SLC24A4: variants seen among roughly 807,000 people sequenced by gnomAD.
The protein encoded by SLC24A4 is sodium/potassium/calcium exchanger 4.
In SLC24A4, 53 loss-of-function variants were observed where a neutral mutation model predicts 79.0. The observed-to-expected ratio is 0.67, with a 90% CI of 0.54 to 0.84. SLC24A4 has a LOEUF of 0.84. SLC24A4 is among the 40% of genes least tolerant of loss of function. SLC24A4 has a pLI of 0.00. For synonymous variants in SLC24A4, 323 were observed against 323.8 expected (o/e 1.00, Z 0.03); for missense variants, 731 against 822.0 (o/e 0.89, Z 1.35).
chr14:92,488,617 C>T (rs1422776957), intron 14 of SLC24A4, among the ~76,000 whole-genome samples: 3 of 103,594 alleles, frequency 2.9e-5, no homozygotes, highest in African/African-American at 1.2e-4. Context: ...TCCTCAGAGA[C>T]CCTATTTCCA....
chr14:92,455,838 T>G (rs932929929), intron 11 of SLC24A4, among the ~76,000 whole-genome samples: 11 of 152,050 alleles, frequency 7.2e-5, no homozygotes, highest in African/African-American at 2.7e-4. Context: ...GTAGCTGGGA[T>G]TACGGGGGCC....
At chr14:92,350,790 G>T (rs1740689566) in intron 2 of SLC24A4, among the ~76,000 whole-genome samples, 1 of 152,166 alleles carries the variant, frequency 6.6e-6, no homozygotes, top group Non-Finnish European at 1.5e-5. Flanking sequence ...ACCTGCAATG[G>T]ACTGAATGCT....
At position 92,353,678 on chromosome 14, in the gene SLC24A4, G is replaced by A. The variant is rs1887009433; in HGVS notation, c.241+27700G>A. ...TTAGAGTCATTTGTGTTCCCTTTCT[G>A]CTTGCTCTTCGTGTCCTTTTCTGTG... is the stretch of plus-strand genomic sequence containing the variant. On this transcript the variant is annotated intron_variant, in intron 2 of 16. Coordinates refer to ENST00000532405, the MANE Select transcript of SLC24A4 (RefSeq NM_153646.4). This position sits in a 1 kb window ranked among gnomAD's most constrained non-coding sequence, Gnocchi z 4.1. Among the ~76,000 whole-genome samples the A allele has an allele frequency of 6.6e-6, 1 of 152,144 alleles. No individual in the cohort carries two copies. Among genetic ancestry groups the A allele is most frequent in the Admixed American group, 6.5e-5 (1 of 15,276 alleles).
chr14:92,484,972 A>G, intron 13 of SLC24A4: 1 of 781,946 alleles, frequency 1.3e-6, no homozygotes, highest in South Asian at 5.8e-5. Context: ...CCCAATTTCA[A>G]CCTAATCTTA....
chr14:92,368,393 A>T (rs1213672762), intron 2 of SLC24A4, among the ~76,000 whole-genome samples: 1 of 152,146 alleles, frequency 6.6e-6, no homozygotes, highest in African/African-American at 2.4e-5. Context: ...GGAGATTTGG[A>T]TAATTTTTTT....
chr14:92,335,722 C>G (rs755224323), intron 2 of SLC24A4, among the ~76,000 whole-genome samples: 2 of 152,154 alleles, frequency 1.3e-5, no homozygotes, highest in Non-Finnish European at 2.9e-5. Flanking sequence ...TGGTATCGTA[C>G]AGAATAGTTT....
intron 10 of SLC24A4, among the ~76,000 whole-genome samples, chr14:92,449,812 C>T (rs756390240): frequency 9.9e-5 from 15 of 152,234 alleles, no homozygotes; most frequent in Non-Finnish European, 7.3e-5. Context: ...GCAGCAGCCT[C>T]GTCTCCCCAG....
chr14:92,336,161 G>A (rs1295924665), intron 2 of SLC24A4, among the ~76,000 whole-genome samples: 1 of 152,148 alleles, frequency 6.6e-6, no homozygotes, highest in Non-Finnish European at 1.5e-5. Context: ...CCTGAGGAAC[G>A]TTCCTTCCTG....
Position 92,331,649 on chromosome 14 carries a change from G to A in SLC24A4, c.241+5671G>A, listed in dbSNP as rs1461676454. On this transcript the variant is annotated intron_variant, in intron 2 of 16. Transcript: ENST00000532405. Reference sequence around the variant, plus strand: ...CCTAACTAGACTATAAAAGGTGAAAGCCTTGTTTGCATTTTAAAACCATAA... The same window carrying A: ...CCTAACTAGACTATAAAAGGTGAAAACCTTGTTTGCATTTTAAAACCATAA... Among the ~76,000 whole-genome samples, 3 of 152,158 alleles carry A rather than the reference G, an allele frequency of 2.0e-5. No individual in the cohort carries two copies. In the East Asian group the frequency reaches 5.8e-4, roughly 29 times the overall value.
rs890928782 is a variant in SLC24A4 at position 92,353,537 on chromosome 14, G to A, written c.241+27559G>A. Among the ~76,000 whole-genome samples the A allele has an allele frequency of 2.0e-5, 3 of 152,200 alleles. No individual in the cohort carries two copies. Among genetic ancestry groups the A allele is most frequent in the Admixed American group, 2.0e-4 (3 of 15,286 alleles). On this transcript the variant is annotated intron_variant, in intron 2 of 16. Transcript: ENST00000532405. The surrounding 1 kb of genome is among the most constrained non-coding windows in gnomAD (Gnocchi z 4.1). ...TTTGTCCCACCAGACATGGATGAGA[G>A]GGCCGGTTCTCCCCACCCCATGGTG...
chr14:92,327,964 A>C (rs930935149), intron 2 of SLC24A4, among the ~76,000 whole-genome samples: 9 of 152,360 alleles, frequency 5.9e-5, no homozygotes, highest in African/African-American at 1.7e-4. Flanking sequence ...CGAATGATGG[A>C]ATGAAAGTGC....
At chr14:92,355,420 C>T (rs1477001384) in intron 2 of SLC24A4, among the ~76,000 whole-genome samples, 2 of 152,214 alleles carry the variant, frequency 1.3e-5, no homozygotes, top group Non-Finnish European at 2.9e-5. Flanking sequence ...TGAGGTCTCA[C>T]TCTCAGGTAG....
At chr14:92,344,308 G>A (rs976010164) in intron 2 of SLC24A4, among the ~76,000 whole-genome samples, 14 of 152,198 alleles carry the variant, frequency 9.2e-5, no homozygotes, top group South Asian at 2.1e-4. Context: ...AAGAGAAGCC[G>A]TCCCTTCATT....
chr14:92,344,005 G>C (rs1886383742), intron 2 of SLC24A4, among the ~76,000 whole-genome samples: 1 of 152,116 alleles, frequency 6.6e-6, no homozygotes, highest in Non-Finnish European at 1.5e-5. Context: ...GCCCAACCAA[G>C]GCAGGACTTT....
chr14:92,463,840 G>A (rs947872953), intron 12 of SLC24A4, among the ~76,000 whole-genome samples: 1 of 151,422 alleles, frequency 6.6e-6, no homozygotes, highest in Non-Finnish European at 1.5e-5. Flanking sequence ...ACCACTAACC[G>A]ACTTCTTATG....
chr14:92,370,180 A>G (rs1888073489), intron 2 of SLC24A4, among the ~76,000 whole-genome samples: 1 of 152,242 alleles, frequency 6.6e-6, no homozygotes, highest in Non-Finnish European at 1.5e-5. Flanking sequence ...AAGAGAGCCC[A>G]TAGAATTTAA....
intron 2 of SLC24A4, among the ~76,000 whole-genome samples, chr14:92,328,134 C>T (rs780834598): frequency 6.6e-6 from 1 of 152,196 alleles, no homozygotes; most frequent in Non-Finnish European, 1.5e-5. Context: ...TACTGCACAG[C>T]CCCCGGCTCT....
Position 92,449,359 on chromosome 14 carries a change from CTT to C in SLC24A4, c.880+144_880+145del, listed in dbSNP as rs1893012367. ...TGTCCCCCCTCTAAATTGTCACTCT[CTT>C]ACCTTTGACCACAGGTGCCCTAAGA... On this transcript the variant is annotated intron_variant, in intron 10 of 16. Transcript: ENST00000532405. 86 of 1,218,184 alleles carry C rather than the reference CTT, an allele frequency of 7.1e-5. 2 individuals are homozygous for C. The South Asian group carries it at 1.3e-3, about 18-fold the overall frequency. The allele number at this position is 1,218,184 out of a possible 1,614,324, so 75.5% of individuals were successfully genotyped here.
At position 92,372,917 on chromosome 14, in the gene SLC24A4, C is replaced by CTT. The variant is rs1555363109; in HGVS notation, c.241+46941_241+46942dup. ...CCTTCCTTCCTTCCTTCCTTCCTTCCTTTCTTTCTCTTTCTTTCTTTTTCT... is the reference window on the plus strand; with the variant it reads ...CCTTCCTTCCTTCCTTCCTTCCTTCCTTTTTCTTTCTCTTTCTTTCTTTTTCT... On this transcript the variant is annotated intron_variant, in intron 2 of 16. Transcript: ENST00000532405. Among the ~76,000 whole-genome samples the CTT allele has an allele frequency of 2.0e-3, 221 of 108,972 alleles. 5 individuals carry two copies. Among genetic ancestry groups the CTT allele is most frequent in the African/African-American group, 5.8e-3 (165 of 28,448 alleles). 71.5% of individuals were successfully genotyped at this position (108,972 alleles called of 152,430 possible).
Sources: allele counts gnomAD v4.1 joint callset (sites outside exome capture counted in the v4.1 genomes callset), GRCh38; gene constraint gnomAD v4.1.1; non-coding constraint Gnocchi (gnomAD v3.1); transcripts MANE v1.5; gene names NCBI Gene and HGNC (gene_info 2026-07-23, HGNC 2026-07-21).